The following LIPG variants were observed in gnomAD, a reference collection of about 807,000 sequenced individuals.
LIPG encodes the protein lipase G, endothelial type, also known as endothelial lipase.
In LIPG, 34 loss-of-function variants were observed where a neutral mutation model predicts 51.8. The ratio of observed to expected loss-of-function variants is 0.66; its 90% confidence interval spans 0.50 to 0.87. The LOEUF (loss-of-function observed/expected upper bound fraction) is 0.87, where lower values mean the gene tolerates loss of function less well. Among genes scored for constraint, LIPG ranks in the 40% least tolerant of loss-of-function variants. The pLI, the probability that LIPG is intolerant of heterozygous loss-of-function variation, is 0.00. For missense variants in LIPG, 580 were observed against 652.7 expected, an observed-to-expected ratio of 0.89 and a Z score of 1.21; for synonymous variants, 246 against 246.1, an observed-to-expected ratio of 1.00 and a Z score of 0.00.
chr18:49,584,082 G>A (rs1361309107), intron 8 of LIPG, among the ~76,000 whole-genome samples: 1 of 152,158 alleles, frequency 6.6e-6, no homozygotes, highest in African/African-American at 2.4e-5. Context: ...CCTGGACTGG[G>A]CTTTTTAGGA....
intron 8 of LIPG, among the ~76,000 whole-genome samples, chr18:49,586,059 C>T (rs1034868467): frequency 6.6e-6 from 1 of 152,210 alleles, no homozygotes; most frequent in South Asian, 2.1e-4. Flanking sequence ...CGTGGTCACG[C>T]TAATCACACG....
At chr18:49,569,684 A>C in intron 4 of LIPG, 136 bp downstream of exon 4, 2 of 771,088 alleles carry the variant, frequency 2.6e-6, no homozygotes, top group Non-Finnish European at 4.3e-6. Context: ...AAACTTCCCA[A>C]GCGTTTTTAG....
intron 1 of LIPG, 108 bp downstream of exon 1, chr18:49,562,513 C>T: frequency 1.0e-6 from 1 of 992,866 alleles, no homozygotes; most frequent in Non-Finnish European, 1.6e-6. Context: ...CTTCCTTTCC[C>T]ACTGCGCTGC....
chr18:49,574,594 G>C (rs1473568451), intron 4 of LIPG, among the ~76,000 whole-genome samples: 1 of 152,210 alleles, frequency 6.6e-6, no homozygotes, highest in Non-Finnish European at 1.5e-5. Flanking sequence ...CAGGTAACTA[G>C]TTGCTTGTGT....
At chr18:49,575,986 G>T (rs183210226) in intron 5 of LIPG, among the ~76,000 whole-genome samples, 3 of 151,668 alleles carry the variant, frequency 2.0e-5, no homozygotes, top group Admixed American at 6.6e-5. Context: ...CTACAGGCAC[G>T]TGCCACCATG....
rs1420062858 is a variant in LIPG, at chr18:49,590,407, G to A, written c.1482-94G>A. ...GTCCCATAGGGGTGTCAGAAAGCTT[G>A]GCCTTAAGGTCAAAAGAGCACACCC... On this transcript the variant is annotated intron_variant, in intron 9 of 9. Coordinates refer to ENST00000261292, the MANE Select transcript of LIPG (RefSeq NM_006033.4). 5 of 1,341,436 alleles carry A rather than the reference G, an allele frequency of 3.7e-6. No homozygotes were observed. In the East Asian group the frequency reaches 9.9e-5, roughly 27 times the overall value. The allele number at this position is 1,341,436 out of a possible 1,614,324, so 83.1% of individuals were successfully genotyped here. A position where few individuals can be genotyped will look rare whatever the true frequency, so the allele number is the denominator to read the frequency against.
intron 8 of LIPG, among the ~76,000 whole-genome samples, chr18:49,584,189 C>T (rs962764831): frequency 6.6e-6 from 1 of 152,104 alleles, no homozygotes; most frequent in African/African-American, 2.4e-5. Context: ...TTCCAGAGAG[C>T]CCCCATGGAT....
At chr18:49,581,878 A>G (rs190067143) in intron 6 of LIPG, 3 of 617,484 alleles carry the variant, frequency 4.9e-6, no homozygotes. Flanking sequence ...GTCCATGATC[A>G]CAATATCAAT....
intron 4 of LIPG, among the ~76,000 whole-genome samples, chr18:49,575,105 G>A (rs1168391741): frequency 6.6e-6 from 1 of 152,194 alleles, no homozygotes; most frequent in Admixed American, 6.5e-5. Flanking sequence ...GACGGGGTTT[G>A]GCTGAGGTGA....
chr18:49,586,660 C>T (rs2084883191), intron 8 of LIPG, 86 bp from the exon 9 acceptor site: 2 of 953,056 alleles, frequency 2.1e-6, no homozygotes, highest in Non-Finnish European at 3.4e-6. Flanking sequence ...ACCCCTGCCT[C>T]CTCACCCATC....
rs774303872 is a variant in LIPG at position 49,586,883 on chromosome 18, G to C, written c.1481+33G>C. ...GGACTTTCTCACACGTTCCACCCAG[G>C]ACACGTTGACATGATGATCTCCTAG... On this transcript the variant is annotated intron_variant, in intron 9 of 9. Transcript: ENST00000261292. The C allele has an allele frequency of 2.1e-6, 3 of 1,459,720 alleles. No individual in the cohort carries two copies. In the South Asian group the frequency reaches 3.4e-5, roughly 17 times the overall value. 90.4% of individuals were successfully genotyped at this position (1,459,720 alleles called of 1,614,324 possible).
intron 1 of LIPG, among the ~76,000 whole-genome samples, chr18:49,562,869 C>T (rs1267602357): frequency 1.2e-4 from 19 of 152,212 alleles, no homozygotes; most frequent in Non-Finnish European, 2.4e-4. Flanking sequence ...TGGTTTGATT[C>T]GTGCTTGCAG....
intron 6 of LIPG, 22 bp from the exon 7 acceptor site, chr18:49,582,340 C>G (rs377337312): frequency 6.2e-7 from 1 of 1,614,016 alleles, no homozygotes; most frequent in African/African-American, 1.3e-5. Context: ...TTACAAGCAT[C>G]TTTGTTCTGC....
In LIPG at chr18:49,565,606, C is replaced by G. The variant is rs1945743455; in HGVS notation, c.279+108C>G. On this transcript the variant is annotated intron_variant, in intron 2 of 9. Coordinates refer to ENST00000261292, the MANE Select transcript of LIPG (RefSeq NM_006033.4). Reference sequence around the variant, plus strand: ...TCCAGATTCCAAACCCTCTTCCCCCCTTTCCTTGTGGGCTGCTTGTATTTC... The same window carrying G: ...TCCAGATTCCAAACCCTCTTCCCCCGTTTCCTTGTGGGCTGCTTGTATTTC... The G allele has an allele frequency of 3.1e-6, 4 of 1,281,838 alleles. No individual in the cohort carries two copies. In the South Asian group the frequency reaches 3.7e-5, roughly 12 times the overall value. 79.4% of individuals were successfully genotyped at this position (1,281,838 alleles called of 1,614,324 possible).
intron 9 of LIPG, chr18:49,589,834 T>C (rs9952025): frequency 0.038 from 5,896 of 156,606 alleles, 364 homozygotes; most frequent in African/African-American, 0.13. Flanking sequence ...AACTCTATGA[T>C]TCACCCTCTC....
upstream of LIPG, chr18:49,561,584 AG>A (rs2084549989): frequency 1.1e-6 from 1 of 879,612 alleles, no homozygotes; most frequent in South Asian, 5.9e-5. Flanking sequence ...GGAGAAGAGG[AG>A]GACAAAGGGG....
In LIPG at chr18:49,581,461, C is replaced by A. The variant is rs945256116; in HGVS notation, c.840C>A (p.Leu280=). The A allele has an allele frequency of 1.2e-6, 2 of 1,614,088 alleles. No homozygotes were observed. The highest frequency in any genetic ancestry group is 1.7e-6 in the Non-Finnish European group (2 of 1,180,054). Residue 280 remains leucine, a synonymous_variant, in exon 6 of 10, where the codon CTC becomes CTA. Coordinates refer to ENST00000261292, the MANE Select transcript of LIPG (RefSeq NM_006033.4). ...VKCEHERAVH[L]FVDSLVNQDK... ...GTGAGCATGAGCGAGCCGTCCACCT[C>A]TTTGTTGACTCTCTGGTGAATCAGG...
intron 5 of LIPG, among the ~76,000 whole-genome samples, chr18:49,577,559 G>A (rs984986916): frequency 2.0e-5 from 3 of 148,774 alleles, no homozygotes; most frequent in African/African-American, 5.1e-5. Context: ...GGTGGTGGCC[G>A]GGCAGAGGGG....
chr18:49,561,906 T>G (rs1225695642), upstream of LIPG: 3 of 1,330,398 alleles, frequency 2.3e-6, no homozygotes, highest in East Asian at 8.3e-5. Flanking sequence ...TGTGCAGCGC[T>G]TTCATTCAAA....
Sources: allele counts gnomAD v4.1 joint callset (sites outside exome capture counted in the v4.1 genomes callset), GRCh38; gene constraint gnomAD v4.1.1; transcripts MANE v1.5; gene names NCBI Gene and HGNC (gene_info 2026-07-23, HGNC 2026-07-21).